Variants in SHTN1 observed in about 807,000 individuals in gnomAD.
SHTN1 encodes the protein shootin 1.
In SHTN1, 42 loss-of-function variants were observed where a neutral mutation model predicts 83.1. The ratio of observed to expected loss-of-function variants is 0.51; its 90% CI spans 0.39 to 0.65. SHTN1 has a LOEUF of 0.65. Ranked by LOEUF, SHTN1 falls within the 30% of genes least tolerant of loss-of-function variation. The pLI is 0.00. For missense variants in SHTN1, 622 were observed against 737.8 expected, an observed-to-expected ratio of 0.84 and a Z score of 1.82; for synonymous variants, 224 against 247.7, an observed-to-expected ratio of 0.90 and a Z score of 0.90.
intron 2 of SHTN1, among the ~76,000 whole-genome samples, chr10:116,978,019 T>C (rs1042447625): frequency 6.6e-6 from 1 of 152,062 alleles, no homozygotes; most frequent in Non-Finnish European, 1.5e-5. Context: ...TACCATTCCC[T>C]GAATCACCTG....
intron 1 of SHTN1, among the ~76,000 whole-genome samples, chr10:117,081,692 G>A (rs1486350738): frequency 3.3e-5 from 5 of 149,302 alleles, no homozygotes; most frequent in Admixed American, 2.0e-4. Flanking sequence ...GTAAGCTATT[G>A]ATTATTGCCA....
chr10:117,009,687 G>A (rs1203498100), upstream of SHTN1, among the ~76,000 whole-genome samples: 1 of 152,062 alleles, frequency 6.6e-6, no homozygotes, highest in Non-Finnish European at 1.5e-5. Flanking sequence ...GGCAGATCAC[G>A]AGGTCAGGAG....
At chr10:117,118,708 A>G (rs1853884702) in intron 1 of SHTN1, among the ~76,000 whole-genome samples, 1 of 152,202 alleles carries the variant, frequency 6.6e-6, no homozygotes, top group Non-Finnish European at 1.5e-5. Context: ...GTTCTCACTT[A>G]TAAGTGGGAG....
chr10:117,059,719 G>A (rs2133594432), intron 1 of SHTN1, among the ~76,000 whole-genome samples: 1 of 152,294 alleles, frequency 6.6e-6, no homozygotes, highest in African/African-American at 2.4e-5. Flanking sequence ...TTTGGTGGTA[G>A]GGGCAGAAGA....
At position 116,911,905 on chromosome 10, in the gene SHTN1, AT is replaced by A. The variant is rs533003405; in HGVS notation, c.1306-63del. On this transcript the variant is annotated intron_variant, in intron 13 of 16. Transcript: ENST00000355371. ...TTCAGTTTAAAAATACTAAACAATG[AT>A]TTTTACATGGCAAACTATTAGTAGC... 176 of 1,195,726 alleles carry A rather than the reference AT, an allele frequency of 1.5e-4. No homozygotes were observed. The African/African-American group carries it at 2.3e-3, about 15-fold the overall frequency. The allele number at this position is 1,195,726 out of a possible 1,614,324, so 74.1% of individuals were successfully genotyped here.
intron 1 of SHTN1, among the ~76,000 whole-genome samples, chr10:117,054,705 C>G (rs1852802235): frequency 6.6e-6 from 1 of 151,876 alleles, no homozygotes; most frequent in African/African-American, 2.4e-5. Flanking sequence ...CCGCACCTGG[C>G]CAGCATCCTT....
At chr10:116,915,972 GA>G (rs1190402171) in intron 12 of SHTN1, among the ~76,000 whole-genome samples, 6 of 152,156 alleles carry the variant, frequency 3.9e-5, no homozygotes, top group Non-Finnish European at 8.8e-5. Context: ...ATAGTCAAAA[GA>G]CAAACAGTAA....
chr10:116,923,008 G>A (rs1285920924), intron 11 of SHTN1, among the ~76,000 whole-genome samples: 1 of 151,706 alleles, frequency 6.6e-6, no homozygotes, highest in African/African-American at 2.4e-5. Context: ...AGTAAAAAGA[G>A]CAAGATCACA....
intron 1 of SHTN1, among the ~76,000 whole-genome samples, chr10:117,061,173 G>A (rs1323711115): frequency 7.1e-6 from 1 of 141,044 alleles, no homozygotes; most frequent in Non-Finnish European, 1.5e-5. Context: ...CTGAGGTGGA[G>A]TCTCGCTGTG....
In SHTN1 at chr10:117,017,890, T is replaced by C. The variant is rs188481960; in HGVS notation, c.-123+30555A>G. ...TGAGAAATACACCTCTCTTCCGTGG[T>C]ATTTTTCCTAAAACCCATAACCCCA... On this transcript the variant is annotated intron_variant, in intron 2 of 17. Transcript: ENST00000392901. 4.6e-5 allele frequency among the ~76,000 whole-genome samples: 7 copies of C among 152,310 alleles called. No homozygotes were observed. In the East Asian group the frequency reaches 9.7e-4, roughly 21 times the overall value.
At chr10:116,935,306 A>G (rs909696333) in intron 9 of SHTN1, among the ~76,000 whole-genome samples, 5 of 152,220 alleles carry the variant, frequency 3.3e-5, no homozygotes, top group African/African-American at 1.2e-4. Context: ...TGGGTTTGTC[A>G]TAAATAGCTC....
At chr10:116,997,942 A>G (rs1851682312) in intron 1 of SHTN1, among the ~76,000 whole-genome samples, 1 of 152,144 alleles carries the variant, frequency 6.6e-6, no homozygotes, top group African/African-American at 2.4e-5. Context: ...AATACATAAA[A>G]TTAGTCAGGC....
chr10:116,911,682 T>G, intron 14 of SHTN1, 108 bp downstream of exon 14: 1 of 1,580,586 alleles, frequency 6.3e-7, no homozygotes, highest in Non-Finnish European at 8.7e-7. Flanking sequence ...TGAGGCTAAT[T>G]GTAAATGGGA....
intron 1 of SHTN1, among the ~76,000 whole-genome samples, chr10:117,063,367 G>A (rs756613504): frequency 2.0e-5 from 3 of 152,124 alleles, no homozygotes; most frequent in Non-Finnish European, 2.9e-5. Context: ...TCTGCTCCAC[G>A]GTTTCACCAC....
intron 9 of SHTN1, among the ~76,000 whole-genome samples, chr10:116,933,016 A>G (rs538158631): frequency 1.3e-5 from 2 of 152,264 alleles, no homozygotes; most frequent in South Asian, 4.1e-4. Flanking sequence ...TTTTCTTGAA[A>G]AGGTAATTCC....
chr10:116,974,030 CT>C, intron 2 of SHTN1: 1 of 1,061,302 alleles, frequency 9.4e-7, no homozygotes, highest in Non-Finnish European at 1.2e-6. Flanking sequence ...GATGGAATTC[CT>C]TTCACTCTCT....
chr10:116,939,718 C>T (rs1849297837), intron 9 of SHTN1, among the ~76,000 whole-genome samples: 1 of 152,238 alleles, frequency 6.6e-6, no homozygotes, highest in Non-Finnish European at 1.5e-5. Flanking sequence ...AATGTCAATA[C>T]TGTTGCCACA....
chr10:117,118,232 A>G (rs1380901920), intron 1 of SHTN1, among the ~76,000 whole-genome samples: 1 of 152,124 alleles, frequency 6.6e-6, no homozygotes, highest in Non-Finnish European at 1.5e-5. Context: ...CCAATTAAAA[A>G]AGGGCAAAAG....
At chr10:116,979,976 CT>C (rs199598916) in intron 1 of SHTN1, among the ~76,000 whole-genome samples, 1,652 of 152,030 alleles carry the variant, frequency 0.011, 19 homozygotes, top group African/African-American at 0.031. Context: ...ACTCATTTCA[CT>C]AAATGGGGAA....
Sources: gnomAD v4.1 joint callset for allele counts (sites outside exome capture counted in the v4.1 genomes callset) on GRCh38, gnomAD v4.1.1 for gene constraint, MANE v1.5 for transcripts, NCBI Gene and HGNC (gene_info 2026-07-23, HGNC 2026-07-21) for gene names.